SFMBT2: variants seen among roughly 807,000 people sequenced by gnomAD.
SFMBT2 encodes the protein scm-like with four MBT domains protein 2.
In SFMBT2, 38 loss-of-function variants were observed where a neutral mutation model predicts 110.1. The observed-to-expected ratio is 0.35, with a 90% CI of 0.27 to 0.45. SFMBT2 has a LOEUF of 0.45. SFMBT2 is among the 20% of genes least tolerant of loss of function. The probability of loss-of-function intolerance (pLI) is 1.00; values close to 1 mark genes in which losing one functional copy is unlikely to be tolerated. For synonymous variants in SFMBT2, 425 were observed against 425.4 expected, an observed-to-expected ratio of 1.00 and a Z score of 0.01; for missense variants, 1,011 against 1,094.9, an observed-to-expected ratio of 0.92 and a Z score of 1.08.
intron 4 of SFMBT2, among the ~76,000 whole-genome samples, chr10:7,308,070 G>A (rs759994338): frequency 5.9e-5 from 9 of 152,206 alleles, no homozygotes; most frequent in Non-Finnish European, 1.2e-4. Flanking sequence ...ACATTAGCAT[G>A]TAAGCCAGGT....
At position 7,248,609 on chromosome 10, in the gene SFMBT2, A is replaced by G; in HGVS notation, c.911T>C (p.Met304Thr). ...DLRSHFFTVG[M>T]KLETVNMCEP... Reference sequence around the variant, plus strand: ...GCACATATTCACTGTCTCAAGCTTCATCCCAACTGTGAAGAAATGGCTTCG... The same window carrying G: ...GCACATATTCACTGTCTCAAGCTTCGTCCCAACTGTGAAGAAATGGCTTCG... Residue 304 changes from methionine (M) to threonine (T), a missense_variant, in exon 8 of 21, where the codon ATG (methionine) becomes ACG (threonine). Met to Thr is a moderately conservative substitution (Grantham distance 81, BLOSUM62 -1). Around this residue, in one of 2 missense-constraint regions of SFMBT2, gnomAD observed 979 missense variants for 1,016.1 expected, o/e 0.96. Transcript: ENST00000397167. The G allele has an allele frequency of 6.2e-7, 1 of 1,614,234 alleles. No individual in the cohort carries two copies. The highest frequency in any genetic ancestry group is 8.5e-7 in the Non-Finnish European group (1 of 1,180,030).
chr10:7,251,206 T>C (rs1588385368), intron 7 of SFMBT2, among the ~76,000 whole-genome samples: 1 of 148,636 alleles, frequency 6.7e-6, no homozygotes, highest in South Asian at 2.1e-4. Context: ...CTGGACGCAG[T>C]GGCTCCTGCC....
At chr10:7,308,874 G>C (rs1842768026) in intron 4 of SFMBT2, among the ~76,000 whole-genome samples, 1 of 152,096 alleles carries the variant, frequency 6.6e-6, no homozygotes, top group South Asian at 2.1e-4. Flanking sequence ...ACTAATGCCG[G>C]ATCAATAAAG....
At chr10:7,258,675 G>A (rs970387736) in intron 7 of SFMBT2, among the ~76,000 whole-genome samples, 4 of 152,164 alleles carry the variant, frequency 2.6e-5, no homozygotes, top group Non-Finnish European at 5.9e-5. Flanking sequence ...AGGTCCCGCT[G>A]AAAAAACCAT....
At position 7,292,698 on chromosome 10, in the gene SFMBT2, A is replaced by C. The variant is rs530515766; in HGVS notation, c.437-6744T>G. 5.3e-5 allele frequency among the ~76,000 whole-genome samples: 8 copies of C among 152,330 alleles called. No individual in the cohort carries two copies. The East Asian group carries it at 1.5e-3, about 29-fold the overall frequency. ...AAAATACACTTCTATGATTAAGAAA[A>C]GAAATAGTATCATTTTGTTGTAAAG... is the stretch of plus-strand genomic sequence containing the variant. On this transcript the variant is annotated intron_variant, in intron 4 of 20. Coordinates refer to ENST00000397167, the MANE Select transcript of SFMBT2 (RefSeq NM_001387889.1).
intron 7 of SFMBT2, among the ~76,000 whole-genome samples, chr10:7,267,356 C>A (rs969023611): frequency 6.6e-6 from 1 of 152,170 alleles, no homozygotes; most frequent in Non-Finnish European, 1.5e-5. Context: ...ATTACCAAAC[C>A]TGGGGCAGAT....
chr10:7,395,845 C>G (rs1019322975), intron 1 of SFMBT2, among the ~76,000 whole-genome samples: 1 of 152,022 alleles, frequency 6.6e-6, no homozygotes, highest in African/African-American at 2.4e-5. Flanking sequence ...CGTTATGTTT[C>G]TCTCTGTTAG....
chr10:7,210,969 A>G (rs1404106384), intron 11 of SFMBT2, among the ~76,000 whole-genome samples: 1 of 152,126 alleles, frequency 6.6e-6, no homozygotes, highest in Non-Finnish European at 1.5e-5. Context: ...AGTAGCAAAC[A>G]CAGTGCTTAC....
At chr10:7,228,025 C>T in intron 9 of SFMBT2, 88 bp from the exon 10 acceptor site, 1 of 916,698 alleles carries the variant, frequency 1.1e-6, no homozygotes, top group Non-Finnish European at 1.6e-6. Context: ...AAAGTTTAGG[C>T]TCCCAAAAGA....
intron 4 of SFMBT2, among the ~76,000 whole-genome samples, chr10:7,364,477 G>A (rs1844827570): frequency 6.6e-6 from 1 of 152,166 alleles, no homozygotes; most frequent in African/African-American, 2.4e-5. Flanking sequence ...AGGAAGAATT[G>A]ATTAATAAAC....
At chr10:7,396,973 G>A (rs1845944458) in intron 1 of SFMBT2, among the ~76,000 whole-genome samples, 1 of 151,514 alleles carries the variant, frequency 6.6e-6, no homozygotes, top group Non-Finnish European at 1.5e-5. Flanking sequence ...GTTAATGGGT[G>A]CAGCACACCA....
chr10:7,216,453 T>C (rs1407891039), intron 11 of SFMBT2, among the ~76,000 whole-genome samples: 1 of 152,214 alleles, frequency 6.6e-6, no homozygotes, highest in Non-Finnish European at 1.5e-5. Context: ...GATTTTCAGC[T>C]TCCGCCATGA....
intron 4 of SFMBT2, among the ~76,000 whole-genome samples, chr10:7,315,563 C>T (rs1842987577): frequency 6.6e-6 from 1 of 152,246 alleles, no homozygotes; most frequent in South Asian, 2.1e-4. Context: ...ATCAGCTCTC[C>T]TGGATCTCCA....
At chr10:7,274,509 C>G (rs994818607) in intron 7 of SFMBT2, among the ~76,000 whole-genome samples, 1 of 152,138 alleles carries the variant, frequency 6.6e-6, no homozygotes, top group African/African-American at 2.4e-5. Context: ...TAAGGGCCTT[C>G]CCCCTTCATC....
At chr10:7,302,068 C>T (rs1181176104) in intron 4 of SFMBT2, among the ~76,000 whole-genome samples, 1 of 152,134 alleles carries the variant, frequency 6.6e-6, no homozygotes, top group Admixed American at 6.5e-5. Context: ...GAAAACAACA[C>T]AAATCCTCTG....
chr10:7,300,711 C>T (rs1441901824), intron 4 of SFMBT2, among the ~76,000 whole-genome samples: 3 of 152,222 alleles, frequency 2.0e-5, no homozygotes, highest in Admixed American at 1.3e-4. Flanking sequence ...GGCCCAGCAT[C>T]GTCTCTGGCA....
At chr10:7,188,020 A>G (rs1056401265) in intron 16 of SFMBT2, among the ~76,000 whole-genome samples, 2 of 152,250 alleles carry the variant, frequency 1.3e-5, no homozygotes, top group African/African-American at 2.4e-5. Context: ...GTTCAAGTAC[A>G]TTGATACGGC....
chr10:7,317,548 G>A (rs1843052975), intron 4 of SFMBT2, among the ~76,000 whole-genome samples: 2 of 146,080 alleles, frequency 1.4e-5, no homozygotes, highest in South Asian at 2.1e-4. Flanking sequence ...GGCTGAGGGA[G>A]GAGAACCACT....
In SFMBT2 at chr10:7,284,092, T is replaced by C. The variant is rs772083711; in HGVS notation, c.584A>G (p.Gln195Arg). The C allele has an allele frequency of 5.6e-6, 9 of 1,614,238 alleles. No homozygotes were observed. The highest frequency in any genetic ancestry group is 6.8e-6 in the Non-Finnish European group (8 of 1,180,034). Residue 195 changes from glutamine (Q) to arginine (R), a missense_variant, in exon 6 of 21, where the codon CAG (glutamine) becomes CGG (arginine). Physicochemically the swap from Gln to Arg is conservative, Grantham distance 43. Transcript: ENST00000397167. ...GTACTGAAAAGGGTTCTGGGAATCC[T>C]GAAGTTCTATTAAGGAACCAACTGT... ...LITVGSLIEL[Q>R]DSQNPFQYWI...
Sources: allele counts gnomAD v4.1 joint callset (sites outside exome capture counted in the v4.1 genomes callset), GRCh38; gene constraint gnomAD v4.1.1; regional missense constraint gnomAD v4.1.1; transcripts MANE v1.5; gene names NCBI Gene and HGNC (gene_info 2026-07-23, HGNC 2026-07-21).